The following CC2D1A variants were observed in gnomAD, a reference collection of about 807,000 sequenced individuals.
CC2D1A encodes coiled-coil and C2 domain containing 1A, also known as coiled-coil and C2 domain-containing protein 1A.
In CC2D1A, 68 loss-of-function variants were observed where a neutral mutation model predicts 123.8. The ratio of observed to expected loss-of-function variants is 0.55; its 90% CI spans 0.45 to 0.67. The LOEUF (loss-of-function observed/expected upper bound fraction) is 0.67, where lower values mean the gene tolerates loss of function less well. Ranked by LOEUF, CC2D1A falls within the 30% of genes least tolerant of loss-of-function variation. The probability of loss-of-function intolerance (pLI) is 0.00; values close to 1 mark genes in which losing one functional copy is unlikely to be tolerated. For missense variants in CC2D1A, 1,185 were observed against 1,290.3 expected, an observed-to-expected ratio of 0.92 and a Z score of 1.25; for synonymous variants, 477 against 528.0, an observed-to-expected ratio of 0.90 and a Z score of 1.32.
chr19:13,929,257 C>T (rs1394071503), intron 24 of CC2D1A, 122 bp from the exon 25 acceptor site: 10 of 983,350 alleles, frequency 1.0e-5, no homozygotes, highest in East Asian at 4.8e-5. Flanking sequence ...CACTCACCTC[C>T]GCCTCCCAAA....
In CC2D1A at chr19:13,906,492, C is replaced by T. The variant is rs1396433685; in HGVS notation, c.51C>T (p.Ala17=). Residue 17 remains alanine, a synonymous_variant, in exon 1 of 29, where the codon GCC becomes GCT. Transcript: ENST00000318003. The surrounding 1 kb of genome is among the most constrained non-coding windows in gnomAD (Gnocchi z 4.1). ...GACCCCCGGGCAGAGGCGCCGCGGC[C>T]GCCCGCCAGGTGAGTTTGCGCCCCA... The part of the protein sequence containing the change: ...PPGPPGRGAA[A]ARQLGLLVDL... The T allele has an allele frequency of 5.4e-6, 8 of 1,494,638 alleles. No individual in the cohort carries two copies. Among genetic ancestry groups the T allele is most frequent in the African/African-American group, 2.9e-5 (2 of 69,212 alleles). 92.6% of individuals were successfully genotyped at this position (1,494,638 alleles called of 1,614,324 possible).
At position 13,923,898 on chromosome 19, in the gene CC2D1A, C is replaced by A; in HGVS notation, c.1940+87C>A. 2 of 959,446 alleles carry A rather than the reference C, an allele frequency of 2.1e-6. No individual in the cohort carries two copies. Among genetic ancestry groups the A allele is most frequent in the Non-Finnish European group, 3.3e-6 (2 of 607,692 alleles). The allele number at this position is 959,446 out of a possible 1,614,324, so 59.4% of individuals were successfully genotyped here. A position where few individuals can be genotyped will look rare whatever the true frequency, so the allele number is the denominator to read the frequency against. ...GGGTTGTGCTCCCCAGAAGCTGGCACAAGATTTACATCTGGAAGAAATTTT... is the reference window on the plus strand; with the variant it reads ...GGGTTGTGCTCCCCAGAAGCTGGCAAAAGATTTACATCTGGAAGAAATTTT... On this transcript the variant is annotated intron_variant, in intron 17 of 28. Coordinates refer to ENST00000318003, the MANE Select transcript of CC2D1A (RefSeq NM_017721.5). The surrounding 1 kb of genome is among the most constrained non-coding windows in gnomAD (Gnocchi z 5.3).
At position 13,927,714 on chromosome 19, in the gene CC2D1A, G is replaced by A. The variant is rs113789729; in HGVS notation, c.2317-179G>A. ...AATGGCGTAAGTAAACCCAGGAGGC[G>A]GAGCTTGCAGTGAGCCCAGATTGCA... On this transcript the variant is annotated intron_variant, in intron 22 of 28. Coordinates refer to ENST00000318003, the MANE Select transcript of CC2D1A (RefSeq NM_017721.5). 544 of 671,720 alleles carry A rather than the reference G, an allele frequency of 8.1e-4. 2 individuals carry two copies. The African/African-American group carries it at 8.5e-3, about 10-fold the overall frequency. 41.6% of individuals were successfully genotyped at this position (671,720 alleles called of 1,614,324 possible). A position where few individuals can be genotyped will look rare whatever the true frequency, so the allele number is the denominator to read the frequency against.
Position 13,913,512 on chromosome 19 carries a change from A to G in CC2D1A, c.622A>G (p.Ser208Gly). ...AGGCCCGGCGTCCACGCCTACCTAC[A>G]GCCCTGCACCCACCCAGCCGGCCCC... is the stretch of plus-strand genomic sequence containing the variant. ...GKGPASTPTY[S>G]PAPTQPAPRI... Residue 208 changes from serine to glycine, a missense_variant, in exon 6 of 29, where the codon AGC (serine) becomes GGC (glycine). Coordinates refer to ENST00000318003, the MANE Select transcript of CC2D1A (RefSeq NM_017721.5). 1 of 1,614,122 alleles carries G rather than the reference A, an allele frequency of 6.2e-7. No homozygotes were observed. The highest frequency in any genetic ancestry group is 8.5e-7 in the Non-Finnish European group (1 of 1,180,028).
In CC2D1A at chr19:13,930,388, G is replaced by A. The variant is rs371616480; in HGVS notation, c.2849G>A (p.Arg950His). ...CCTCTCCCCCAGCTGCAGCGGCTCC[G>A]CAGGTGAGGAGCCCATGGGGCGGGC... ...NLVESELQRL[R>H]R The change falls in exon 29 of 29, where the codon CGC becomes CAC. Residue 950 changes from arginine (R) to histidine (H), a missense_variant. Arg to His is a conservative substitution (Grantham distance 29). Transcript: ENST00000318003. This position sits in a 1 kb window ranked among gnomAD's most constrained non-coding sequence, Gnocchi z 6.8. 4.1e-5 allele frequency: 66 copies of A among 1,611,916 alleles called. No individual in the cohort carries two copies. In the African/African-American group the frequency reaches 6.1e-4, roughly 15 times the overall value.
intron 2 of CC2D1A, among the ~76,000 whole-genome samples, chr19:13,911,510 A>C (rs964200212): frequency 1.3e-5 from 2 of 149,998 alleles, no homozygotes; most frequent in African/African-American, 4.9e-5. Flanking sequence ...AAAGTTGCAG[A>C]GCTGGGGTTT....
In CC2D1A at chr19:13,912,318, G is replaced by A. The variant is rs373157979; in HGVS notation, c.197-5G>A. On this transcript the variant is annotated splice_polypyrimidine_tract_variant and splice_region_variant and intron_variant, in intron 2 of 28. Coordinates refer to ENST00000318003, the MANE Select transcript of CC2D1A (RefSeq NM_017721.5). Reference sequence around the variant, plus strand: ...GGTCCACCTGGGGCATCCCCCTACCGCCAGGTCCCTTGCCGATGGAGGCCA... The same window carrying A: ...GGTCCACCTGGGGCATCCCCCTACCACCAGGTCCCTTGCCGATGGAGGCCA... 5.9e-5 allele frequency: 94 copies of A among 1,591,116 alleles called. No individual in the cohort carries two copies. Among genetic ancestry groups the A allele is most frequent in the Non-Finnish European group, 6.9e-5 (81 of 1,169,218 alleles).
chr19:13,930,062 C>G lies in CC2D1A; in HGVS notation c.2711-16C>G, dbSNP rs569809369. On this transcript the variant is annotated splice_polypyrimidine_tract_variant and intron_variant, in intron 26 of 28. Coordinates refer to ENST00000318003, the MANE Select transcript of CC2D1A (RefSeq NM_017721.5). This position sits in a 1 kb window ranked among gnomAD's most constrained non-coding sequence, Gnocchi z 6.8. ...GCCCCACCCTAAGCCTCCATTCCCC[C>G]GCCATCCATTCTCAGAATACGCAGC... is the stretch of plus-strand genomic sequence containing the variant. 3 of 1,611,312 alleles carry G rather than the reference C, an allele frequency of 1.9e-6. No homozygotes were observed. In the South Asian group the frequency reaches 3.3e-5, roughly 18 times the overall value.
rs1446096043 is a variant in CC2D1A, at chr19:13,918,514, C to G, written c.884C>G (p.Ala295Gly). 6.2e-7 allele frequency: 1 copy of G among 1,613,784 alleles called. No homozygotes were observed. The highest frequency in any genetic ancestry group is 8.5e-7 in the Non-Finnish European group (1 of 1,179,886). Residue 295 changes from alanine (A) to glycine (G), a missense_variant, in exon 8 of 29, where the codon GCT becomes GGT. Ala to Gly is a moderately conservative substitution (Grantham distance 60). Transcript: ENST00000318003. ...TCTTCCTTCTCCCAGAGCTTTGATG[C>G]TGTCTTGGAGGCCCTGAGCCGGGGT... ...RHFRVAKSFD[A>G]VLEALSRGEP...
At chr19:13,916,669 A>G (rs1971217329) in intron 6 of CC2D1A, among the ~76,000 whole-genome samples, 1 of 152,232 alleles carries the variant, frequency 6.6e-6, no homozygotes. Context: ...GTTTTTAACA[A>G]TGAAAGATTT....
At position 13,919,854 on chromosome 19, in the gene CC2D1A, C is replaced by G; in HGVS notation, c.1259C>G (p.Pro420Arg). Residue 420 changes from proline (P) to arginine (R), a missense_variant, in exon 12 of 29, where the codon CCC becomes CGC. Coordinates refer to ENST00000318003, the MANE Select transcript of CC2D1A (RefSeq NM_017721.5). ...ATCCAGGGCCTGGAGGCCACCAAGCCCACCCAGCAGAGTCTGGTGGGTGTC... is the reference window on the plus strand; with the variant it reads ...ATCCAGGGCCTGGAGGCCACCAAGCGCACCCAGCAGAGTCTGGTGGGTGTC... Reference protein sequence around the residue: ...PPIQGLEATKPTQQSLVGVLE... With the variant: ...PPIQGLEATKRTQQSLVGVLE... 6.2e-7 allele frequency: 1 copy of G among 1,611,030 alleles called. No individual in the cohort carries two copies. The highest frequency in any genetic ancestry group is 8.5e-7 in the Non-Finnish European group (1 of 1,178,482).
chr19:13,918,832 C>T lies in CC2D1A; in HGVS notation c.1018+15C>T. The T allele has an allele frequency of 3.1e-6, 5 of 1,612,672 alleles. No individual in the cohort carries two copies. Among genetic ancestry groups the T allele is most frequent in the Non-Finnish European group, 3.4e-6 (4 of 1,179,324 alleles). ...CTCCACAACAGGTAGGTTCTGGGAC[C>T]CTCTGGGGTTGGGGGCAGGCTGGAG... is the stretch of plus-strand genomic sequence containing the variant. On this transcript the variant is annotated intron_variant, in intron 9 of 28. Coordinates refer to ENST00000318003, the MANE Select transcript of CC2D1A (RefSeq NM_017721.5).
chr19:13,927,433 C>G (rs562773175), intron 22 of CC2D1A, 168 bp downstream of exon 22: 9 of 615,566 alleles, frequency 1.5e-5, no homozygotes, highest in African/African-American at 3.7e-5. Flanking sequence ...TGCAGTACCC[C>G]ACTCCATTAT....
rs376653249 is a variant in CC2D1A, at chr19:13,920,572, G to T, written c.1372G>T (p.Ala458Ser). The T allele has an allele frequency of 1.3e-6, 2 of 1,598,232 alleles. No individual in the cohort carries two copies. The highest frequency in any genetic ancestry group is 2.7e-5 in the African/African-American group (2 of 74,508). ...EVPKKQNSPV[A>S]PTAQPKAPPS... Reference sequence around the variant, plus strand: ...TCCTCTACAGCAGAACAGCCCTGTGGCCCCCACAGCCCAGCCCAAAGCCCC... The same window carrying T: ...TCCTCTACAGCAGAACAGCCCTGTGTCCCCCACAGCCCAGCCCAAAGCCCC... The change falls in exon 13 of 29, where the codon GCC becomes TCC. Residue 458 changes from alanine (A) to serine (S), a missense_variant. Transcript: ENST00000318003.
rs372699468 is a variant in CC2D1A at position 13,929,329 on chromosome 19, G to C, written c.2520-50G>C. On this transcript the variant is annotated intron_variant, in intron 24 of 28. Transcript: ENST00000318003. The stretch of plus-strand genomic sequence containing the variant: ...CCAGTGTGTCTTTTGAATTAACAGG[G>C]TTGGGCTGGGGGAATCTCTGCAGTC... The C allele has an allele frequency of 6.3e-6, 10 of 1,587,418 alleles. No individual in the cohort carries two copies. In the African/African-American group the frequency reaches 1.3e-4, roughly 21 times the overall value.
In CC2D1A at chr19:13,908,691, C is replaced by T. The variant is rs895593171; in HGVS notation, c.61-1132C>T. Among the ~76,000 whole-genome samples the T allele has an allele frequency of 2.0e-5, 3 of 152,114 alleles. No individual in the cohort carries two copies. In the South Asian group the frequency reaches 6.2e-4, roughly 32 times the overall value. On this transcript the variant is annotated intron_variant, in intron 1 of 28. Coordinates refer to ENST00000318003, the MANE Select transcript of CC2D1A (RefSeq NM_017721.5). Reference sequence around the variant, plus strand: ...ATGTTGGCTAGGCTGGTCTCGAACTCCTGGATTACAGGCGTGAGCCACCGC... The same window carrying T: ...ATGTTGGCTAGGCTGGTCTCGAACTTCTGGATTACAGGCGTGAGCCACCGC...
intron 4 of CC2D1A, 115 bp downstream of exon 4, chr19:13,912,708 A>C (rs1044499544): frequency 2.9e-6 from 3 of 1,042,124 alleles, no homozygotes; most frequent in East Asian, 4.9e-5. Flanking sequence ...GCTGGAGTGC[A>C]GTGGTGCCAT....
chr19:13,919,803 C>T lies in CC2D1A; in HGVS notation c.1223-15C>T, dbSNP rs777747040. The T allele has an allele frequency of 1.1e-5, 17 of 1,588,800 alleles. No homozygotes were observed. The highest frequency in any genetic ancestry group is 1.3e-5 in the African/African-American group (1 of 74,096). On this transcript the variant is annotated splice_polypyrimidine_tract_variant and intron_variant, in intron 11 of 28. Transcript: ENST00000318003. The stretch of plus-strand genomic sequence containing the variant: ...ATCCTGACACACAATAACCAGGCCT[C>T]GACTGGCCACCCAGGCTTCCCCCCA...
chr19:13,919,275 G>A (rs866053307), intron 11 of CC2D1A, 73 bp downstream of exon 11: 7 of 1,181,032 alleles, frequency 5.9e-6, no homozygotes, highest in African/African-American at 4.7e-5. Context: ...AGGCCCCGCC[G>A]CTGGCAGGCT....
Sources: allele counts gnomAD v4.1 joint callset (sites outside exome capture counted in the v4.1 genomes callset), GRCh38; gene constraint gnomAD v4.1.1; non-coding constraint Gnocchi (gnomAD v3.1); transcripts MANE v1.5; gene names NCBI Gene and HGNC (gene_info 2026-07-23, HGNC 2026-07-21).